The following POGLUT1 variants were observed in gnomAD, a reference collection of about 807,000 sequenced individuals.
POGLUT1 encodes the protein 9630046K23Rik.
POGLUT1 carries 32 observed loss-of-function variants against 61.3 expected under a neutral mutation model. The observed-to-expected ratio is 0.52, with a 90% CI of 0.39 to 0.70. The LOEUF (loss-of-function observed/expected upper bound fraction) is 0.70. POGLUT1 is among the 30% of genes least tolerant of loss of function. The probability of loss-of-function intolerance (pLI) is 0.00; values close to 1 mark genes in which losing one functional copy is unlikely to be tolerated. For synonymous variants in POGLUT1, 158 were observed against 158.2 expected (o/e 1.00, Z 0.01); for missense variants, 411 against 469.8 (o/e 0.87, Z 1.16).
At chr3:119,475,155 CCTT>C (rs1008868296) in intron 3 of POGLUT1, among the ~76,000 whole-genome samples, 1 of 152,162 alleles carries the variant, frequency 6.6e-6, no homozygotes, top group Non-Finnish European at 1.5e-5. Flanking sequence ...TCTTGTATAT[CCTT>C]CTAGAAATAG....
intron 5 of POGLUT1, 118 bp downstream of exon 5, chr3:119,480,290 C>T (rs1452666705): frequency 1.3e-6 from 1 of 796,324 alleles, no homozygotes; most frequent in East Asian, 3.4e-5. Context: ...CCCTTTTTGC[C>T]CAGGCTAGAG....
intron 8 of POGLUT1, 180 bp from the exon 9 acceptor site, chr3:119,490,371 G>A: frequency 1.7e-6 from 1 of 604,942 alleles, no homozygotes; most frequent in South Asian, 2.0e-5. Context: ...TCCTAGCCCT[G>A]GTAAAGTGGC....
chr3:119,488,501 TA>T lies in POGLUT1; in HGVS notation c.739-417del, dbSNP rs57611926. On this transcript the variant is annotated intron_variant, in intron 7 of 10. Coordinates refer to ENST00000295588, the MANE Select transcript of POGLUT1 (RefSeq NM_152305.3). The stretch of plus-strand genomic sequence containing the variant: ...TGTAAATGTTGGCAATGATTTGATT[TA>T]AAAAAAAAAATACTTTGCATGCCCA... The T allele has an allele frequency of 1.4e-3, 205 of 149,876 alleles. 2 individuals carry two copies. Among genetic ancestry groups the T allele is most frequent in the African/African-American group, 2.3e-3 (96 of 40,970 alleles). The allele number at this position is 149,876 out of a possible 1,614,324, so 9.3% of individuals were successfully genotyped here. A position where few individuals can be genotyped will look rare whatever the true frequency, so the allele number is the denominator to read the frequency against.
chr3:119,484,351 G>T (rs1349400197), intron 5 of POGLUT1, among the ~76,000 whole-genome samples: 2 of 152,154 alleles, frequency 1.3e-5, no homozygotes, highest in African/African-American at 2.4e-5. Flanking sequence ...CTTCAGTTCA[G>T]CCTTCCCTTC....
chr3:119,471,568 C>A, intron 3 of POGLUT1, 116 bp downstream of exon 3: 7 of 945,564 alleles, frequency 7.4e-6, no homozygotes, highest in Non-Finnish European at 1.0e-5. Context: ...ACATTTCAGG[C>A]GGACTATGAA....
At chr3:119,477,219 G>A in intron 3 of POGLUT1, 94 bp from the exon 4 acceptor site, 2 of 1,226,168 alleles carry the variant, frequency 1.6e-6, no homozygotes, top group Non-Finnish European at 2.4e-6. Flanking sequence ...CTGGAACACT[G>A]GCTTGTCTTA....
intron 4 of POGLUT1, chr3:119,478,353 T>C (rs2081564836): frequency 2.2e-6 from 1 of 456,632 alleles, no homozygotes; most frequent in African/African-American, 2.0e-5. Flanking sequence ...ATTTCCTGTG[T>C]TGCAAGTGGG....
chr3:119,485,792 C>A (rs2081657646), intron 6 of POGLUT1, among the ~76,000 whole-genome samples: 1 of 152,150 alleles, frequency 6.6e-6, no homozygotes, highest in African/African-American at 2.4e-5. Flanking sequence ...TTTTATCACA[C>A]CCTGTGGCTG....
Position 119,468,971 on chromosome 3 carries a change from C to T in POGLUT1, c.-51C>T, listed in dbSNP as rs746349071. On this transcript the variant is annotated 5_prime_UTR_variant, in exon 1 of 11. Coordinates refer to ENST00000295588, the MANE Select transcript of POGLUT1 (RefSeq NM_152305.3). ...GCTCCCGGGCCATCTTTGTGCGGGG[C>T]CGCGCTTCCGCCAGCGCCGCAGCGG... 1.0e-5 allele frequency: 15 copies of T among 1,507,300 alleles called. No homozygotes were observed. The Admixed American group carries it at 1.3e-4, about 13-fold the overall frequency. The allele number at this position is 1,507,300 out of a possible 1,614,324, so 93.4% of individuals were successfully genotyped here.
chr3:119,475,148 T>G (rs542885573), intron 3 of POGLUT1, among the ~76,000 whole-genome samples: 2 of 152,218 alleles, frequency 1.3e-5, no homozygotes, highest in Non-Finnish European at 2.9e-5. Flanking sequence ...TTCTGTGTCT[T>G]GTATATCCTT....
At chr3:119,483,354 A>G (rs188703581) in intron 5 of POGLUT1, among the ~76,000 whole-genome samples, 9 of 152,342 alleles carry the variant, frequency 5.9e-5, no homozygotes, top group Admixed American at 2.0e-4. Context: ...GCCAGAGATT[A>G]TAAAATGGAA....
In POGLUT1 at chr3:119,492,558, G is replaced by A; in HGVS notation, c.*120G>A. 1.8e-6 allele frequency: 1 copy of A among 562,574 alleles called. No homozygotes were observed. Among genetic ancestry groups the A allele is most frequent in the Non-Finnish European group, 3.0e-6 (1 of 332,734 alleles). 34.8% of individuals were successfully genotyped at this position (562,574 alleles called of 1,614,324 possible). On this transcript the variant is annotated 3_prime_UTR_variant, in exon 11 of 11. Transcript: ENST00000295588. ...TATCTGCTATCAAGCCAAATACCTG[G>A]TTTTCCTTATCATGCTGCACCCAGA... is the stretch of plus-strand genomic sequence containing the variant.
At chr3:119,469,989 G>C (rs2081450985) in intron 2 of POGLUT1, 79 bp downstream of exon 2, 1 of 857,720 alleles carries the variant, frequency 1.2e-6, no homozygotes, top group East Asian at 2.4e-5. Context: ...GAGAGATTTT[G>C]GTTGCAGTGG....
At chr3:119,471,565 AG>A in intron 3 of POGLUT1, 113 bp downstream of exon 3, 1 of 964,186 alleles carries the variant, frequency 1.0e-6, no homozygotes, top group South Asian at 1.3e-5. Context: ...CTCACATTTC[AG>A]GCGGACTATG....
chr3:119,482,538 G>A (rs761243456), intron 5 of POGLUT1, among the ~76,000 whole-genome samples: 1 of 152,088 alleles, frequency 6.6e-6, no homozygotes, highest in Non-Finnish European at 1.5e-5. Context: ...GCAATTTTTA[G>A]GCAGATAGAA....
chr3:119,471,661 AT>A, intron 3 of POGLUT1: 3 of 532,566 alleles, frequency 5.6e-6, no homozygotes, highest in Non-Finnish European at 1.0e-5. Context: ...GGCTTGGTTC[AT>A]CACTGGTTGT....
chr3:119,478,260 C>A, intron 4 of POGLUT1: 1 of 431,766 alleles, frequency 2.3e-6, no homozygotes, highest in South Asian at 1.7e-5. Flanking sequence ...AACACTATTT[C>A]TGATTTGGTT....
chr3:119,481,746 T>C (rs968812056), intron 5 of POGLUT1, among the ~76,000 whole-genome samples: 4 of 152,250 alleles, frequency 2.6e-5, no homozygotes, highest in African/African-American at 7.2e-5. Flanking sequence ...TTTAGTGATC[T>C]GGTCAAGGTC....
intron 5 of POGLUT1, among the ~76,000 whole-genome samples, chr3:119,483,174 A>G (rs1163504064): frequency 6.6e-6 from 1 of 152,244 alleles, no homozygotes; most frequent in Admixed American, 6.5e-5. Context: ...CATGTCTAGA[A>G]TGTATCCTAA....
Sources: allele counts gnomAD v4.1 joint callset (sites outside exome capture counted in the v4.1 genomes callset), GRCh38; gene constraint gnomAD v4.1.1; transcripts MANE v1.5; gene names NCBI Gene and HGNC (gene_info 2026-07-23, HGNC 2026-07-21).